Variants in VPS13A observed in about 807,000 individuals in gnomAD.
VPS13A encodes the protein vacuolar protein sorting 13 homolog A.
In VPS13A, 264 loss-of-function variants were observed where a neutral mutation model predicts 390.9. The observed-to-expected ratio is 0.68, with a 90% CI of 0.61 to 0.75. VPS13A has a LOEUF of 0.75. Among genes scored for constraint, VPS13A ranks in the 30% least tolerant of loss-of-function variants. The pLI, the probability that VPS13A is intolerant of heterozygous loss-of-function variation, is 0.00. For missense variants in VPS13A, 3,409 were observed against 3,733.9 expected (o/e 0.91, Z 2.27); for synonymous variants, 1,231 against 1,227.1 (o/e 1.00, Z -0.07).
chr9:77,318,957 C>T (rs955853414), intron 41 of VPS13A, among the ~76,000 whole-genome samples: 5 of 151,796 alleles, frequency 3.3e-5, no homozygotes, highest in African/African-American at 1.2e-4. Context: ...GTTGGGAGGC[C>T]AAAGCAGAAG....
intron 68 of VPS13A, chr9:77,382,600 A>T (rs936411071): frequency 9.3e-7 from 1 of 1,073,982 alleles, no homozygotes; most frequent in African/African-American, 1.7e-5. Flanking sequence ...TTTATACCAG[A>T]TATATAATCC....
At chr9:77,236,776 A>G (rs1394208278) in intron 17 of VPS13A, among the ~76,000 whole-genome samples, 3 of 152,206 alleles carry the variant, frequency 2.0e-5, no homozygotes, top group African/African-American at 7.2e-5. Flanking sequence ...CCATGTGACG[A>G]TATCTTCTTA....
intron 50 of VPS13A, among the ~76,000 whole-genome samples, chr9:77,343,073 G>A (rs1292712843): frequency 6.6e-6 from 1 of 152,196 alleles, no homozygotes; most frequent in African/African-American, 2.4e-5. Context: ...CTGTGTTCCA[G>A]TTCTCAGCTC....
intron 68 of VPS13A, chr9:77,385,126 T>C: frequency 1.0e-6 from 1 of 965,878 alleles, no homozygotes; most frequent in Non-Finnish European, 1.2e-6. Flanking sequence ...TAATGTTTTA[T>C]ATTTATCATT....
chr9:77,414,764 T>TAATAATAATAAAAAA (rs1423448427), intron 71 of VPS13A, among the ~76,000 whole-genome samples: 4 of 146,760 alleles, frequency 2.7e-5, no homozygotes, highest in African/African-American at 1.0e-4. Flanking sequence ...ATAATAATAA[T>TAATAATAATAAAAAA]AATAAAAACT....
intron 68 of VPS13A, chr9:77,384,642 G>A (rs1428265190): frequency 3.1e-6 from 5 of 1,599,410 alleles, no homozygotes; most frequent in Middle Eastern, 3.6e-4. Context: ...TGATGATGAT[G>A]ATGATGATGA....
At chr9:77,335,011 A>C (rs1830467538) in intron 46 of VPS13A, among the ~76,000 whole-genome samples, 2 of 152,176 alleles carry the variant, frequency 1.3e-5, no homozygotes, top group African/African-American at 4.8e-5. Context: ...AGCAAATTTA[A>C]GGTGCCATCA....
rs147477719 is a variant in VPS13A, at chr9:77,315,401, T to C, written c.4561T>C (p.Phe1521Leu). 9.3e-6 allele frequency: 15 copies of C among 1,613,938 alleles called. No homozygotes were observed. The highest frequency in any genetic ancestry group is 3.3e-4 in the Middle Eastern group (2 of 6,062). The stretch of plus-strand genomic sequence containing the variant: ...ATTTCTGCAGACTGTTGCAAATGTC[T>C]TTCTTGAGGCCTACACCACAGGCAC... The part of the protein sequence containing the change: ...VEFLQTVANV[F>L]LEAYTTGTAV... The change falls in exon 38 of 72, where the codon TTT (phenylalanine) becomes CTT (leucine). Residue 1521 changes from phenylalanine to leucine, a missense_variant. Phe to Leu is a conservative substitution (Grantham distance 22). Coordinates refer to ENST00000360280, the MANE Select transcript of VPS13A (RefSeq NM_033305.3).
At chr9:77,376,948 C>T (rs1221171583) in intron 67 of VPS13A, among the ~76,000 whole-genome samples, 1 of 152,054 alleles carries the variant, frequency 6.6e-6, no homozygotes, top group African/African-American at 2.4e-5. Context: ...CATTAAGTTA[C>T]CTAAAAAATT....
chr9:77,273,546 C>T (rs962789729), intron 24 of VPS13A, among the ~76,000 whole-genome samples, 182 bp downstream of exon 24: 3 of 152,152 alleles, frequency 2.0e-5, no homozygotes, highest in Non-Finnish European at 2.9e-5. Flanking sequence ...AGCAGATTTA[C>T]TAGCATTCAT....
chr9:77,328,813 ATT>A (rs1259122390), intron 45 of VPS13A, among the ~76,000 whole-genome samples: 1 of 152,204 alleles, frequency 6.6e-6, no homozygotes, highest in African/African-American at 2.4e-5. Context: ...TCTATCCTGT[ATT>A]AGGCCGTTTT....
At chr9:77,396,927 T>C (rs2131637567) in intron 68 of VPS13A, among the ~76,000 whole-genome samples, 1 of 152,320 alleles carries the variant, frequency 6.6e-6, no homozygotes, top group African/African-American at 2.4e-5. Flanking sequence ...TATAAAACCA[T>C]TTGTTATCTA....
chr9:77,378,944 T>G (rs185637540), intron 67 of VPS13A, among the ~76,000 whole-genome samples: 4 of 152,152 alleles, frequency 2.6e-5, no homozygotes, highest in Admixed American at 2.6e-4. Flanking sequence ...CTTTGACATT[T>G]TGTTATTTAT....
chr9:77,224,054 G>A (rs370660999), intron 13 of VPS13A, among the ~76,000 whole-genome samples: 4 of 152,064 alleles, frequency 2.6e-5, no homozygotes, highest in Middle Eastern at 3.2e-3. Context: ...CTCTATACAC[G>A]GAACAGCAAA....
At chr9:77,382,656 A>G in intron 68 of VPS13A, 1 of 1,001,522 alleles carries the variant, frequency 1.0e-6, no homozygotes, top group Non-Finnish European at 1.2e-6. Flanking sequence ...ACTCAGGAAC[A>G]CTGCTATTGT....
At chr9:77,281,737 G>GTA in intron 27 of VPS13A, 130 bp from the exon 28 acceptor site, 3 of 494,756 alleles carry the variant, frequency 6.1e-6, no homozygotes, top group South Asian at 3.0e-5. Flanking sequence ...GTGTGTATAT[G>GTA]TGTATATATA....
intron 1 of VPS13A, chr9:77,178,101 C>A: frequency 2.8e-6 from 1 of 358,322 alleles, no homozygotes; most frequent in Non-Finnish European, 5.3e-6. Context: ...GTTCAAGTCC[C>A]GGCGAGGGGC....
intron 4 of VPS13A, among the ~76,000 whole-genome samples, chr9:77,205,655 C>T (rs1480783524): frequency 2.0e-5 from 3 of 151,534 alleles, no homozygotes; most frequent in African/African-American, 2.4e-5. Flanking sequence ...GCAGTGGCAC[C>T]ATCTCAGCTC....
At chr9:77,350,015 A>G (rs568270426) in intron 52 of VPS13A, among the ~76,000 whole-genome samples, 1 of 152,134 alleles carries the variant, frequency 6.6e-6, no homozygotes, top group African/African-American at 2.4e-5. Context: ...ATTCCTTACC[A>G]TATTTTTTTG....
Sources: gnomAD v4.1 joint callset for allele counts (sites outside exome capture counted in the v4.1 genomes callset) on GRCh38, gnomAD v4.1.1 for gene constraint, MANE v1.5 for transcripts, NCBI Gene and HGNC (gene_info 2026-07-23, HGNC 2026-07-21) for gene names.